The following SORCS1 variants were observed in gnomAD, a reference collection of about 807,000 sequenced individuals.
SORCS1 encodes the protein VPS10 domain-containing receptor SorCS1.
SORCS1 carries 60 observed loss-of-function variants against 146.1 expected under a neutral mutation model. That is an observed-to-expected ratio of 0.41 (90% confidence interval 0.33 to 0.51). The LOEUF (loss-of-function observed/expected upper bound fraction) is 0.51. Among genes scored for constraint, SORCS1 ranks in the 20% least tolerant of loss-of-function variants. SORCS1 has a pLI of 0.21. For synonymous variants in SORCS1, 637 were observed against 584.0 expected (o/e 1.09, Z -1.31); for missense variants, 1,352 against 1,487.6 (o/e 0.91, Z 1.50).
intron 1 of SORCS1, among the ~76,000 whole-genome samples, chr10:107,032,558 G>A (rs1416700631): frequency 1.3e-5 from 2 of 152,134 alleles, no homozygotes; most frequent in African/African-American, 4.8e-5. Context: ...TGGGAAATCT[G>A]ATATCAACCA....
At position 107,164,102 on chromosome 10, in the gene SORCS1, G is replaced by T. The variant is rs1012904641; in HGVS notation, c.425C>A (p.Thr142Asn). The T allele has an allele frequency of 6.2e-7, 1 of 1,613,922 alleles. No homozygotes were observed. Among genetic ancestry groups the T allele is most frequent in the African/African-American group, 1.3e-5 (1 of 75,044 alleles). The change falls in exon 1 of 26, where the codon ACT becomes AAT. Residue 142 changes from threonine to asparagine, a missense_variant. By Grantham distance (65) the Thr-to-Asn change is moderately conservative (BLOSUM62 0). Around this residue, in one of 3 missense-constraint regions of SORCS1, gnomAD observed 490 missense variants for 489.1 expected, o/e 1.00. Transcript: ENST00000263054. The surrounding 1 kb of genome is among the most constrained non-coding windows in gnomAD (Gnocchi z 6.8). The part of the protein sequence containing the change: ...LRDGGQQEPG[T>N]RERDPDKATR... ...GGCTTTGTCCGGGTCCCGCTCCCGA[G>T]TCCCAGGCTCCTGCTGCCCTCCATC...
chr10:106,785,093 T>C (rs1317873022), intron 3 of SORCS1, among the ~76,000 whole-genome samples: 1 of 152,192 alleles, frequency 6.6e-6, no homozygotes, highest in East Asian at 1.9e-4. Flanking sequence ...TTTGGTACAC[T>C]GATTACCTCA....
At chr10:106,984,681 C>T (rs556292744) in intron 1 of SORCS1, among the ~76,000 whole-genome samples, 14 of 151,970 alleles carry the variant, frequency 9.2e-5, no homozygotes, top group Non-Finnish European at 1.6e-4. Flanking sequence ...GCATGAGCCA[C>T]TGCACCTGGC....
chr10:106,786,366 C>G (rs916536908), intron 3 of SORCS1, among the ~76,000 whole-genome samples: 3 of 152,124 alleles, frequency 2.0e-5, no homozygotes, highest in Admixed American at 6.5e-5. Flanking sequence ...CTGGTTGGAC[C>G]TCTCCCTTTC....
At chr10:107,128,298 T>C (rs1343196968) in intron 1 of SORCS1, among the ~76,000 whole-genome samples, 7 of 152,224 alleles carry the variant, frequency 4.6e-5, no homozygotes, top group Non-Finnish European at 1.0e-4. Flanking sequence ...GATTAAAGTG[T>C]ACTTTGGGTG....
chr10:106,950,929 CATT>C (rs1227213747), intron 2 of SORCS1, among the ~76,000 whole-genome samples: 1 of 152,094 alleles, frequency 6.6e-6, no homozygotes, highest in Non-Finnish European at 1.5e-5. Context: ...TTACCATTAT[CATT>C]ATTATCACTA....
In SORCS1 at chr10:106,620,460, T is replaced by C. The variant is rs1168029465; in HGVS notation, c.2764A>G (p.Thr922Ala). 2 of 1,613,952 alleles carry C rather than the reference T, an allele frequency of 1.2e-6. No homozygotes were observed. The highest frequency in any genetic ancestry group is 1.7e-4 in the Middle Eastern group (1 of 6,060). The change falls in exon 20 of 26, where the codon ACT becomes GCT. Residue 922 changes from threonine (T) to alanine (A), a missense_variant. Coordinates refer to ENST00000263054, the MANE Select transcript of SORCS1 (RefSeq NM_052918.5). Reference protein sequence around the residue: ...VLWPSQVGTLTYVWWYGNNTE... With the variant: ...VLWPSQVGTLAYVWWYGNNTE... ...TTGTTTCCGTACCACCACACGTAAG[T>C]GAGGGTGCCCACTTGGCTGGGCCAC...
rs143215219 is a variant in SORCS1 at position 106,963,537 on chromosome 10, T to C, written c.559-6957A>G. On this transcript the variant is annotated intron_variant, in intron 1 of 25. Transcript: ENST00000263054. ...TGTGTGTCTTTGGCTAAGTATTTAT[T>C]TGACTTTCCAACTTAAACAGAGGTT... Among the ~76,000 whole-genome samples the C allele has an allele frequency of 8.5e-4, 129 of 152,334 alleles. 2 individuals are homozygous for C. In the East Asian group the frequency reaches 0.023, roughly 27 times the overall value.
chr10:106,908,985 C>T (rs1952028311), intron 2 of SORCS1, among the ~76,000 whole-genome samples: 1 of 152,116 alleles, frequency 6.6e-6, no homozygotes, highest in Admixed American at 6.5e-5. Context: ...TTCTCTGCTC[C>T]TTCAGATTCT....
intron 24 of SORCS1, among the ~76,000 whole-genome samples, chr10:106,586,851 G>C (rs762571371): frequency 2.6e-5 from 4 of 152,122 alleles, no homozygotes; most frequent in Non-Finnish European, 5.9e-5. Context: ...AGCTACTCGA[G>C]AGGCTGAGGC....
intron 1 of SORCS1, among the ~76,000 whole-genome samples, chr10:107,068,717 A>T (rs1962142820): frequency 6.6e-6 from 1 of 152,122 alleles, no homozygotes; most frequent in South Asian, 2.1e-4. Context: ...ATACAAAAAC[A>T]AAATTAGCTG....
At chr10:107,142,937 T>C (rs1967965256) in intron 1 of SORCS1, among the ~76,000 whole-genome samples, 1 of 152,196 alleles carries the variant, frequency 6.6e-6, no homozygotes, top group African/African-American at 2.4e-5. Context: ...CTGTATGTAG[T>C]TTCTAAAATT....
chr10:107,024,777 C>T (rs1161241514), intron 1 of SORCS1, among the ~76,000 whole-genome samples: 1 of 152,094 alleles, frequency 6.6e-6, no homozygotes, highest in African/African-American at 2.4e-5. Context: ...TACTCTATCA[C>T]TACATTGGTA....
At chr10:106,583,611 C>A (rs1003194600) in intron 24 of SORCS1, among the ~76,000 whole-genome samples, 1 of 152,128 alleles carries the variant, frequency 6.6e-6, no homozygotes, top group African/African-American at 2.4e-5. Context: ...TCAATCAATT[C>A]TCTTGCCTCA....
At chr10:106,624,367 T>A (rs913757749) in intron 19 of SORCS1, among the ~76,000 whole-genome samples, 7 of 135,926 alleles carry the variant, frequency 5.1e-5, no homozygotes, top group Non-Finnish European at 9.5e-5. Flanking sequence ...TTTTTTTTTT[T>A]TTTTTTTTTT....
chr10:106,583,100 T>C (rs1371991789), intron 24 of SORCS1, among the ~76,000 whole-genome samples: 2 of 152,214 alleles, frequency 1.3e-5, no homozygotes, highest in Non-Finnish European at 2.9e-5. Context: ...AACTAGTGTT[T>C]AGTCTAGAAA....
Position 106,699,354 on chromosome 10 carries a change from C to A in SORCS1, c.1273G>T (p.Ala425Ser), listed in dbSNP as rs145837135. The A allele has an allele frequency of 5.0e-6, 8 of 1,613,574 alleles. No individual in the cohort carries two copies. The highest frequency in any genetic ancestry group is 1.7e-4 in the Middle Eastern group (1 of 6,060). Residue 425 changes from alanine (A) to serine (S), a missense_variant, in exon 9 of 26, where the codon GCA (alanine) becomes TCA (serine). Coordinates refer to ENST00000263054, the MANE Select transcript of SORCS1 (RefSeq NM_052918.5). ...TTCTGGTTCCATTCTTGGACCGCTGCGAACACCTGATTCTCATCGGTGCTG... is the reference window on the plus strand; with the variant it reads ...TTCTGGTTCCATTCTTGGACCGCTGAGAACACCTGATTCTCATCGGTGCTG... ...VISTDENQVF[A>S]AVQEWNQNDT...
At chr10:106,851,966 G>C (rs901774393) in intron 2 of SORCS1, among the ~76,000 whole-genome samples, 3 of 152,020 alleles carry the variant, frequency 2.0e-5, no homozygotes, top group Non-Finnish European at 4.4e-5. Context: ...TAATGTAAAT[G>C]GTAATGCGTT....
chr10:106,714,206 A>C (rs1459864592), intron 6 of SORCS1, among the ~76,000 whole-genome samples: 1 of 150,282 alleles, frequency 6.7e-6, no homozygotes, highest in Non-Finnish European at 1.5e-5. Context: ...ATTCTATCTA[A>C]GGAAAAAAAT....
Sources: allele counts gnomAD v4.1 joint callset (sites outside exome capture counted in the v4.1 genomes callset), GRCh38; gene constraint gnomAD v4.1.1; regional missense constraint gnomAD v4.1.1; non-coding constraint Gnocchi (gnomAD v3.1); transcripts MANE v1.5; gene names NCBI Gene and HGNC (gene_info 2026-07-23, HGNC 2026-07-21).